Variants in EVX1 observed in about 807,000 individuals in gnomAD.
EVX1 encodes the protein homeobox even-skipped homolog protein 1.
Under a neutral mutation model 28.6 loss-of-function variants are expected in EVX1, and 19 were observed. That is an observed-to-expected ratio of 0.67 (90% CI 0.46 to 0.98). The LOEUF is 0.98. Among genes scored for constraint, EVX1 ranks in the 50% least tolerant of loss-of-function variants. The pLI is 0.00. For missense variants in EVX1, 660 were observed against 583.0 expected (o/e 1.13, Z -1.36); for synonymous variants, 324 against 278.2 (o/e 1.16, Z -1.64).
intron 1 of EVX1, 25 bp downstream of exon 1, chr7:27,243,482 C>G (rs753454722): frequency 6.5e-7 from 1 of 1,549,788 alleles, no homozygotes; most frequent in Non-Finnish European, 8.7e-7. Context: ...CCTCCGCTCC[C>G]CGGGCCTCCC....
In EVX1 at chr7:27,246,320, C is replaced by T; in HGVS notation, c.1119C>T (p.Ala373=). 2.5e-6 allele frequency: 4 copies of T among 1,596,174 alleles called. No individual in the cohort carries two copies. Among genetic ancestry groups the T allele is most frequent in the Non-Finnish European group, 2.5e-6 (3 of 1,176,976 alleles). The change falls in exon 3 of 3, where the codon GCC becomes GCT. Residue 373 remains alanine, a synonymous_variant. Coordinates refer to ENST00000496902, the MANE Select transcript of EVX1 (RefSeq NM_001989.5). ...RAAAASDFTC[A]STSRSDSFLT... Reference sequence around the variant, plus strand: ...CCGCCGCCTCGGACTTCACCTGTGCCTCCACCTCCCGCTCGGACTCCTTCC... The same window carrying T: ...CCGCCGCCTCGGACTTCACCTGTGCTTCCACCTCCCGCTCGGACTCCTTCC...
rs1373166273 is a variant in EVX1 at position 27,242,980 on chromosome 7, G to A, written c.-51G>A. 1 of 1,450,370 alleles carries A rather than the reference G, an allele frequency of 6.9e-7. No individual in the cohort carries two copies. Among genetic ancestry groups the A allele is most frequent in the African/African-American group, 1.5e-5 (1 of 68,136 alleles). The allele number at this position is 1,450,370 out of a possible 1,614,324, so 89.8% of individuals were successfully genotyped here. ...CGGCCGCTGGAGACCCAGGGAGCCG[G>A]GGTTAGGAACTCACTTGGGGCTTTC... is the stretch of plus-strand genomic sequence containing the variant. On this transcript the variant is annotated 5_prime_UTR_variant, in exon 1 of 3. Coordinates refer to ENST00000496902, the MANE Select transcript of EVX1 (RefSeq NM_001989.5).
chr7:27,243,062 T>C lies in EVX1; in HGVS notation c.32T>C (p.Leu11Pro), dbSNP rs1241624425. The change falls in exon 1 of 3, where the codon CTG becomes CCG. Residue 11 changes from leucine (L) to proline (P), a missense_variant. Transcript: ENST00000496902. The stretch of plus-strand genomic sequence containing the variant: ...AGCCGAAAGGACATGGTTGTGTTTC[T>C]GGATGGGGGTCAGCTTGGCACTCTG... Reference protein sequence around the residue: MESRKDMVVFLDGGQLGTLVG... With the variant: MESRKDMVVFPDGGQLGTLVG... 2 of 1,608,796 alleles carry C rather than the reference T, an allele frequency of 1.2e-6. No homozygotes were observed. The highest frequency in any genetic ancestry group is 1.7e-6 in the Non-Finnish European group (2 of 1,177,712).
rs767858813 is a variant in EVX1, at chr7:27,245,110, G to A, written c.490G>A (p.Gly164Ser). Reference sequence around the variant, plus strand: ...AGGGAGCGAGACCCCCAAGAGCAACGGCGGCAGTGGTGGGGGCGGCTCGCA... The same window carrying A: ...AGGGAGCGAGACCCCCAAGAGCAACAGCGGCAGTGGTGGGGGCGGCTCGCA... ...NGGSETPKSN[G>S]GSGGGGSQGT... Residue 164 changes from glycine (G) to serine (S), a missense_variant, in exon 2 of 3, where the codon GGC becomes AGC. Transcript: ENST00000496902. 7 of 1,613,150 alleles carry A rather than the reference G, an allele frequency of 4.3e-6. No individual in the cohort carries two copies. Among genetic ancestry groups the A allele is most frequent in the Admixed American group, 3.3e-5 (2 of 60,024 alleles).
In EVX1 at chr7:27,246,631, G is replaced by T; in HGVS notation, c.*206G>T. On this transcript the variant is annotated 3_prime_UTR_variant, in exon 3 of 3. Coordinates refer to ENST00000496902, the MANE Select transcript of EVX1 (RefSeq NM_001989.5). ...GGTGGCTGGCGCGTTTGGGGAGCAG[G>T]AGTGGGGATAGGGAAGCAGAGCTTG... 10 of 594,294 alleles carry T rather than the reference G, an allele frequency of 1.7e-5. No individual in the cohort carries two copies. In the South Asian group the frequency reaches 2.2e-4, roughly 13 times the overall value. 36.8% of individuals were successfully genotyped at this position (594,294 alleles called of 1,614,324 possible).
chr7:27,246,011 C>G lies in EVX1; in HGVS notation c.810C>G (p.Pro270=), dbSNP rs1255580829. ...ATGCGGCGGCCGCGGGCGGCCTGCC[C>G]TACCCCTTCCCATCGCACCTGCCCC... The part of the protein sequence containing the change: ...MSHAAAAGGL[P]YPFPSHLPLP... Residue 270 remains proline (P), a synonymous_variant, in exon 3 of 3, where the codon CCC becomes CCG. Coordinates refer to ENST00000496902, the MANE Select transcript of EVX1 (RefSeq NM_001989.5). 6 of 1,599,946 alleles carry G rather than the reference C, an allele frequency of 3.8e-6. No homozygotes were observed. The highest frequency in any genetic ancestry group is 1.6e-4 in the Middle Eastern group (1 of 6,072).
chr7:27,246,060 C>T lies in EVX1; in HGVS notation c.859C>T (p.Leu287=). 6.3e-7 allele frequency: 1 copy of T among 1,584,602 alleles called. No homozygotes were observed. Among genetic ancestry groups the T allele is most frequent in the South Asian group, 1.1e-5 (1 of 89,720 alleles). ...CCTGCCCTACTACTCGCCGGTGGGC[C>T]TGGGCGCCGCATCCGCCGCCTCCGC... ...LPLPYYSPVG[L]GAASAASAAA... Residue 287 remains leucine (L), a synonymous_variant, in exon 3 of 3, where the codon CTG becomes TTG. Coordinates refer to ENST00000496902, the MANE Select transcript of EVX1 (RefSeq NM_001989.5).
chr7:27,245,310 CGGGGT>C lies in EVX1; in HGVS notation c.684+7_684+11del. The C allele has an allele frequency of 6.2e-7, 1 of 1,612,982 alleles. No homozygotes were observed. Among genetic ancestry groups the C allele is most frequent in the Non-Finnish European group, 8.5e-7 (1 of 1,179,768 alleles). ...TGCCGGAAACCACCATCAAGGTATG[CGGGGT>C]CCAGGCTGGGGAGGCGGGTGTGCAC... On this transcript the variant is annotated splice_region_variant and intron_variant, in intron 2 of 2. Coordinates refer to ENST00000496902, the MANE Select transcript of EVX1 (RefSeq NM_001989.5).
At chr7:27,245,488 C>T (rs1327149576) in intron 2 of EVX1, among the ~76,000 whole-genome samples, 184 bp downstream of exon 2, 1 of 152,238 alleles carries the variant, frequency 6.6e-6, no homozygotes, top group Admixed American at 6.5e-5. Flanking sequence ...GACTCTGTCC[C>T]TTTCCTGGTT....
rs1190101287 is a variant in EVX1, at chr7:27,243,326, C to G, written c.296C>G (p.Pro99Arg). 2.5e-6 allele frequency: 4 copies of G among 1,592,334 alleles called. No individual in the cohort carries two copies. The highest frequency in any genetic ancestry group is 3.4e-6 in the Non-Finnish European group (4 of 1,170,948). Residue 99 changes from proline to arginine, a missense_variant, in exon 1 of 3, where the codon CCC (proline) becomes CGC (arginine). By Grantham distance (103) the Pro-to-Arg change is moderately radical. Transcript: ENST00000496902. ...ATGCTCGGCCCAGGACCCCCGGCCC[C>G]CTCAGTCGACAGCCTCTCCGGACAG... The part of the protein sequence containing the change: ...AAMLGPGPPA[P>R]SVDSLSGQGQ...
chr7:27,244,966 C>T, intron 1 of EVX1, 82 bp from the exon 2 acceptor site: 2 of 1,531,278 alleles, frequency 1.3e-6, no homozygotes, highest in South Asian at 2.5e-5. Flanking sequence ...AATCACCCTC[C>T]CACCTTAGGC....
chr7:27,246,447 G>A lies in EVX1; in HGVS notation c.*22G>A. 1 of 1,580,510 alleles carries A rather than the reference G, an allele frequency of 6.3e-7. No homozygotes were observed. Among genetic ancestry groups the A allele is most frequent in the Non-Finnish European group, 8.5e-7 (1 of 1,171,168 alleles). On this transcript the variant is annotated 3_prime_UTR_variant, in exon 3 of 3. Coordinates refer to ENST00000496902, the MANE Select transcript of EVX1 (RefSeq NM_001989.5). ...ATAAGGGGCCGCCGGCTGGCTGCCG[G>A]CTCCATGACGCCCGTGGGGTCACCC...
rs776189991 is a variant in EVX1, at chr7:27,246,455, A to T, written c.*30A>T. 5.9e-5 allele frequency: 93 copies of T among 1,575,804 alleles called. No homozygotes were observed. The highest frequency in any genetic ancestry group is 7.8e-5 in the Non-Finnish European group (91 of 1,169,182). On this transcript the variant is annotated 3_prime_UTR_variant, in exon 3 of 3. Transcript: ENST00000496902. ...CCGCCGGCTGGCTGCCGGCTCCATG[A>T]CGCCCGTGGGGTCACCCCCCGGCCC... is the stretch of plus-strand genomic sequence containing the variant.
At position 27,246,198 on chromosome 7, in the gene EVX1, C is replaced by T. The variant is rs1020320727; in HGVS notation, c.997C>T (p.Pro333Ser). ...CGCCTTCCGCCACCCGCCGCTCTAC[C>T]CCGGGCCCGCGCACGGACTGGGCGC... is the stretch of plus-strand genomic sequence containing the variant. ...LCAFRHPPLYPGPAHGLGASA... is the reference protein window; with the variant it reads ...LCAFRHPPLYSGPAHGLGASA... The change falls in exon 3 of 3, where the codon CCC becomes TCC. Residue 333 changes from proline to serine, a missense_variant. Around this residue, in one of 3 missense-constraint regions of EVX1, gnomAD observed 299 missense variants for 241.3 expected, o/e 1.24. Transcript: ENST00000496902. 2.0e-6 allele frequency: 3 copies of T among 1,498,166 alleles called. No homozygotes were observed. The highest frequency in any genetic ancestry group is 2.7e-5 in the East Asian group (1 of 36,588). The allele number at this position is 1,498,166 out of a possible 1,614,324, so 92.8% of individuals were successfully genotyped here.
In EVX1 at chr7:27,242,971, A is replaced by T; in HGVS notation, c.-60A>T. ...AGATCCGTCCGGCCGCTGGAGACCC[A>T]GGGAGCCGGGGTTAGGAACTCACTT... On this transcript the variant is annotated 5_prime_UTR_variant, in exon 1 of 3. Transcript: ENST00000496902. 2.1e-6 allele frequency: 3 copies of T among 1,414,618 alleles called. No individual in the cohort carries two copies. Among genetic ancestry groups the T allele is most frequent in the Non-Finnish European group, 2.8e-6 (3 of 1,072,854 alleles). 87.6% of individuals were successfully genotyped at this position (1,414,618 alleles called of 1,614,324 possible).
chr7:27,246,072 T>C lies in EVX1; in HGVS notation c.871T>C (p.Ser291Pro), dbSNP rs1322811294. The C allele has an allele frequency of 6.4e-7, 1 of 1,570,408 alleles. No homozygotes were observed. The highest frequency in any genetic ancestry group is 8.6e-7 in the Non-Finnish European group (1 of 1,167,418). The change falls in exon 3 of 3, where the codon TCC (serine) becomes CCC (proline). Residue 291 changes from serine to proline, a missense_variant. Transcript: ENST00000496902. ...YYSPVGLGAA[S>P]AASAAASPFS... Reference sequence around the variant, plus strand: ...CTCGCCGGTGGGCCTGGGCGCCGCATCCGCCGCCTCCGCCGCCGCCTCGCC... The same window carrying C: ...CTCGCCGGTGGGCCTGGGCGCCGCACCCGCCGCCTCCGCCGCCGCCTCGCC...
Position 27,245,223 on chromosome 7 carries a change from A to G in EVX1, c.603A>G (p.Glu201=), listed in dbSNP as rs1032165474. ...AGCAGATTGCGCGGCTGGAGAAGGA[A>G]TTCTACCGGGAGAACTACGTATCCA... ...TREQIARLEK[E]FYRENYVSRP... Residue 201 remains glutamate, a synonymous_variant, in exon 2 of 3, where the codon GAA becomes GAG. Transcript: ENST00000496902. 6.2e-6 allele frequency: 10 copies of G among 1,613,542 alleles called. No individual in the cohort carries two copies. In the African/African-American group the frequency reaches 1.1e-4, roughly 17 times the overall value.
rs778719946 is a variant in EVX1, at chr7:27,243,121, G to A, written c.91G>A (p.Val31Met). Reference protein sequence around the residue: ...GKRVSNLSEAVGSPLPEPPEK... With the variant: ...GKRVSNLSEAMGSPLPEPPEK... Reference sequence around the variant, plus strand: ...GAGAGTCTCAAATTTGTCCGAAGCCGTGGGCAGCCCGCTGCCGGAGCCGCC... The same window carrying A: ...GAGAGTCTCAAATTTGTCCGAAGCCATGGGCAGCCCGCTGCCGGAGCCGCC... Residue 31 changes from valine (V) to methionine (M), a missense_variant, in exon 1 of 3, where the codon GTG becomes ATG. Coordinates refer to ENST00000496902, the MANE Select transcript of EVX1 (RefSeq NM_001989.5). 1.7e-5 allele frequency: 28 copies of A among 1,610,896 alleles called. No homozygotes were observed. Among genetic ancestry groups the A allele is most frequent in the Middle Eastern group, 3.3e-4 (2 of 6,078 alleles).
Position 27,246,872 on chromosome 7 carries a change from A to G in EVX1, c.*447A>G, listed in dbSNP as rs913005985. 2 of 224,812 alleles carry G rather than the reference A, an allele frequency of 8.9e-6. No homozygotes were observed. The highest frequency in any genetic ancestry group is 4.7e-5 in the African/African-American group (2 of 42,310). 13.9% of individuals were successfully genotyped at this position (224,812 alleles called of 1,614,324 possible). On this transcript the variant is annotated 3_prime_UTR_variant, in exon 3 of 3. Transcript: ENST00000496902. ...GGAAAGGGAAATTGCTGTCTCTCTGAACAAAATGCTGTGTATGCAGAGCAG... is the reference window on the plus strand; with the variant it reads ...GGAAAGGGAAATTGCTGTCTCTCTGGACAAAATGCTGTGTATGCAGAGCAG...
Sources: gnomAD v4.1 joint callset for allele counts (sites outside exome capture counted in the v4.1 genomes callset) on GRCh38, gnomAD v4.1.1 for gene constraint, gnomAD v4.1.1 regional missense constraint, MANE v1.5 for transcripts, NCBI Gene and HGNC (gene_info 2026-07-23, HGNC 2026-07-21) for gene names.